Variants in PSMA3 observed in about 807,000 individuals in gnomAD.
PSMA3 encodes proteasome subunit alpha type-3.
A neutral mutation model predicts 40.0 loss-of-function variants in PSMA3; 8 were observed. The observed-to-expected ratio is 0.20, with a 90% CI of 0.12 to 0.36. PSMA3 has a LOEUF of 0.36. PSMA3 is among the 10% of genes least tolerant of loss of function. The probability of loss-of-function intolerance (pLI) is 1.00; values close to 1 mark genes in which losing one functional copy is unlikely to be tolerated. For synonymous variants in PSMA3, 110 were observed against 100.0 expected, an observed-to-expected ratio of 1.10 and a Z score of -0.59; for missense variants, 219 against 310.6, an observed-to-expected ratio of 0.70 and a Z score of 2.22.
intron 3 of PSMA3, among the ~76,000 whole-genome samples, chr14:58,253,724 G>C (rs1374365423): frequency 2.6e-5 from 4 of 152,074 alleles, no homozygotes; most frequent in African/African-American, 9.7e-5. Flanking sequence ...CTCTCAAGTA[G>C]CTGGGATTAC....
chr14:58,257,045 T>G (rs1404204343), intron 3 of PSMA3, among the ~76,000 whole-genome samples: 1 of 142,320 alleles, frequency 7.0e-6, no homozygotes, highest in Non-Finnish European at 1.5e-5. Context: ...AAGGTTGAAG[T>G]GAGCCCAGAT....
chr14:58,259,211 T>TA (rs1890214371), intron 5 of PSMA3, among the ~76,000 whole-genome samples: 1 of 152,244 alleles, frequency 6.6e-6, no homozygotes, highest in Admixed American at 6.5e-5. Flanking sequence ...TCAGACCATG[T>TA]AAAATACCTT....
At position 58,245,363 on chromosome 14, in the gene PSMA3, G is replaced by T. The variant is rs577729401; in HGVS notation, c.21+422G>T. The T allele has an allele frequency of 2.2e-4, 45 of 200,900 alleles. No individual in the cohort carries two copies. The South Asian group carries it at 3.6e-3, about 16-fold the overall frequency. The allele number at this position is 200,900 out of a possible 1,614,324, so 12.4% of individuals were successfully genotyped here. A position where few individuals can be genotyped will look rare whatever the true frequency, so the allele number is the denominator to read the frequency against. On this transcript the variant is annotated intron_variant, in intron 1 of 10. Coordinates refer to ENST00000216455, the MANE Select transcript of PSMA3 (RefSeq NM_002788.4). ...GTGGACTGCGTTTGCAGTTCCTAGGGTGCTGCTGATTCACAGGCCTTCTCT... is the reference window on the plus strand; with the variant it reads ...GTGGACTGCGTTTGCAGTTCCTAGGTTGCTGCTGATTCACAGGCCTTCTCT...
intron 6 of PSMA3, among the ~76,000 whole-genome samples, chr14:58,262,745 TAG>T (rs1406989639): frequency 6.6e-6 from 1 of 151,682 alleles, no homozygotes; most frequent in Non-Finnish European, 1.5e-5. Context: ...GTATTTTTAG[TAG>T]AGACAGACTT....
intron 7 of PSMA3, chr14:58,264,610 C>T (rs1890381494): frequency 6.6e-6 from 1 of 152,140 alleles, no homozygotes; most frequent in Admixed American, 6.5e-5. Flanking sequence ...GTACTAGAAC[C>T]CTGCTCAACT....
At chr14:58,259,627 G>T (rs1890225299) in intron 5 of PSMA3, among the ~76,000 whole-genome samples, 1 of 152,120 alleles carries the variant, frequency 6.6e-6, no homozygotes, top group Non-Finnish European at 1.5e-5. Flanking sequence ...AACTTTTTTA[G>T]TAAACATCTA....
At chr14:58,250,245 G>A (rs1889979761) in intron 2 of PSMA3, among the ~76,000 whole-genome samples, 2 of 119,100 alleles carry the variant, frequency 1.7e-5, no homozygotes, top group African/African-American at 3.2e-5. Context: ...AATAGGGACA[G>A]AGTTTCAAAA....
At chr14:58,271,324 GTTC>G (rs1201182528) in intron 10 of PSMA3, among the ~76,000 whole-genome samples, 1 of 102,928 alleles carries the variant, frequency 9.7e-6, no homozygotes, top group Admixed American at 1.1e-4. Flanking sequence ...TTAAATATTT[GTTC>G]TTTTTTTTTT....
At chr14:58,259,829 G>C (rs1349382169) in intron 5 of PSMA3, among the ~76,000 whole-genome samples, 1 of 152,156 alleles carries the variant, frequency 6.6e-6, no homozygotes, top group Non-Finnish European at 1.5e-5. Flanking sequence ...GTGCGCCAGA[G>C]AGAGTTAAGT....
rs747073860 is a variant in PSMA3 at position 58,271,942 on chromosome 14, A to G, written c.*47A>G. The G allele has an allele frequency of 7.3e-7, 1 of 1,367,608 alleles. No individual in the cohort carries two copies. Among genetic ancestry groups the G allele is most frequent in the Admixed American group, 1.7e-5 (1 of 57,966 alleles). 84.7% of individuals were successfully genotyped at this position (1,367,608 alleles called of 1,614,324 possible). A position where few individuals can be genotyped will look rare whatever the true frequency, so the allele number is the denominator to read the frequency against. On this transcript the variant is annotated 3_prime_UTR_variant, in exon 11 of 11. Coordinates refer to ENST00000216455, the MANE Select transcript of PSMA3 (RefSeq NM_002788.4). ...TATTTTAAATTTCTACTCCAGTCCA[A>G]TGTAACTATTTAGCCCTGGATTATA...
chr14:58,252,393 T>C (rs752204508), intron 3 of PSMA3, 151 bp downstream of exon 3: 192 of 1,079,360 alleles, frequency 1.8e-4, no homozygotes, highest in Middle Eastern at 6.2e-4. Context: ...AGCATTCTCA[T>C]AACCTTATTA....
rs552836001 is a variant in PSMA3, at chr14:58,244,885, C to A, written c.-36C>A. On this transcript the variant is annotated 5_prime_UTR_variant, in exon 1 of 11. Coordinates refer to ENST00000216455, the MANE Select transcript of PSMA3 (RefSeq NM_002788.4). Reference sequence around the variant, plus strand: ...TGTGGTATAGGGGAAGCGCTCCGGGCCTGGAATCCCTACGCGTCCCTTTGG... The same window carrying A: ...TGTGGTATAGGGGAAGCGCTCCGGGACTGGAATCCCTACGCGTCCCTTTGG... 53 of 1,614,046 alleles carry A rather than the reference C, an allele frequency of 3.3e-5. No homozygotes were observed. Among genetic ancestry groups the A allele is most frequent in the Middle Eastern group, 1.6e-4 (1 of 6,084 alleles).
rs751743650 is a variant in PSMA3, at chr14:58,244,930, A to G, written c.10A>G (p.Ile4Val). MSSIGTGYDLSAST... is the reference protein window; with the variant it reads MSSVGTGYDLSAST... Reference sequence around the variant, plus strand: ...CTTTGGGTTTAGCACGATGAGCTCAATCGGCACTGGGGTGAGTTCGCTGTC... The same window carrying G: ...CTTTGGGTTTAGCACGATGAGCTCAGTCGGCACTGGGGTGAGTTCGCTGTC... The change falls in exon 1 of 11, where the codon ATC becomes GTC. Residue 4 changes from isoleucine to valine, a missense_variant. Physicochemically the swap from Ile to Val is conservative, Grantham distance 29. Coordinates refer to ENST00000216455, the MANE Select transcript of PSMA3 (RefSeq NM_002788.4). 1.5e-5 allele frequency: 24 copies of G among 1,614,024 alleles called. No individual in the cohort carries two copies. Among genetic ancestry groups the G allele is most frequent in the East Asian group, 4.5e-5 (2 of 44,878 alleles).
chr14:58,263,637 A>G (rs542331864), intron 6 of PSMA3, 68 bp from the exon 7 acceptor site: 2 of 1,273,168 alleles, frequency 1.6e-6, no homozygotes, highest in African/African-American at 1.5e-5. Flanking sequence ...TTATAGAAAC[A>G]TTAGTAGTCA....
chr14:58,270,357 CTG>C, intron 8 of PSMA3, 59 bp from the exon 9 acceptor site: 1 of 1,599,754 alleles, frequency 6.3e-7, no homozygotes, highest in Non-Finnish European at 8.5e-7. Flanking sequence ...GACTTTGGGT[CTG>C]TGAACTACTT....
chr14:58,246,643 C>T (rs992647530), intron 1 of PSMA3, among the ~76,000 whole-genome samples: 6 of 152,098 alleles, frequency 3.9e-5, no homozygotes, highest in Non-Finnish European at 7.4e-5. Context: ...GTGATCAGCC[C>T]GCCTCACCCT....
intron 3 of PSMA3, among the ~76,000 whole-genome samples, chr14:58,253,235 C>T (rs553854758): frequency 2.6e-5 from 4 of 152,162 alleles, no homozygotes; most frequent in East Asian, 1.9e-4. Flanking sequence ...TCCATCTGCC[C>T]GCCTCAGCCT....
At chr14:58,254,333 C>CAATATATATATATGCATATATATAT (rs1555352264) in intron 3 of PSMA3, among the ~76,000 whole-genome samples, 1 of 23,792 alleles carries the variant, frequency 4.2e-5, no homozygotes, top group African/African-American at 1.4e-4. Flanking sequence ...ATTATGCATG[C>CAATATATATATATGCATATATATAT]ATATATATAT....
At chr14:58,249,515 CTT>C (rs145899290) in intron 2 of PSMA3, among the ~76,000 whole-genome samples, 1 of 151,532 alleles carries the variant, frequency 6.6e-6, no homozygotes, top group Non-Finnish European at 1.5e-5. Flanking sequence ...TTAAAAAAAA[CTT>C]TTTTTGGGGG....
Sources: gnomAD v4.1 joint callset for allele counts (sites outside exome capture counted in the v4.1 genomes callset) on GRCh38, gnomAD v4.1.1 for gene constraint, MANE v1.5 for transcripts, NCBI Gene and HGNC (gene_info 2026-07-23, HGNC 2026-07-21) for gene names.